SHANK2: variants seen among roughly 807,000 people sequenced by gnomAD.
SHANK2 encodes the protein SH3 and multiple ankyrin repeat domains 2.
In SHANK2, 43 loss-of-function variants were observed where a neutral mutation model predicts 133.7. That is an observed-to-expected ratio of 0.32 (90% CI 0.25 to 0.41). SHANK2 has a LOEUF of 0.41. SHANK2 is among the 10% of genes least tolerant of loss of function. SHANK2 has a pLI of 1.00. For synonymous variants in SHANK2, 1,017 were observed against 952.8 expected (o/e 1.07, Z -1.24); for missense variants, 1,994 against 2,235.8 (o/e 0.89, Z 2.18).
intron 14 of SHANK2, among the ~76,000 whole-genome samples, chr11:70,751,594 G>A (rs1591812965): frequency 6.6e-6 from 1 of 152,146 alleles, no homozygotes; most frequent in African/African-American, 2.4e-5. Flanking sequence ...AGACAAAATG[G>A]TCAATATCTT....
At chr11:70,819,843 C>T (rs184540652) in intron 12 of SHANK2, among the ~76,000 whole-genome samples, 15 of 152,278 alleles carry the variant, frequency 9.9e-5, no homozygotes, top group Admixed American at 2.6e-4. Context: ...GACAGCCAGA[C>T]GCCAGAGCCC....
At chr11:70,874,848 G>A (rs985654162) in intron 11 of SHANK2, among the ~76,000 whole-genome samples, 8 of 152,066 alleles carry the variant, frequency 5.3e-5, no homozygotes, top group South Asian at 2.1e-4. Context: ...CAAATCTACC[G>A]TGTAATAGCA....
chr11:70,659,849 C>T lies in SHANK2; in HGVS notation c.2040G>A (p.Arg680=). Residue 680 remains arginine (R), a synonymous_variant, in exon 17 of 26, where the codon AGG becomes AGA. Transcript: ENST00000601538. ...CTACCTCAATCAAGAAGTCCCCGGT[C>T]CTTAGTCCGGCTTGCCACGCCACCC... ...EGGVAWQAGL[R]TGDFLIEVNN... The T allele has an allele frequency of 6.2e-7, 1 of 1,614,144 alleles. No individual in the cohort carries two copies. Among genetic ancestry groups the T allele is most frequent in the South Asian group, 1.1e-5 (1 of 91,078 alleles).
chr11:71,129,806 CT>C (rs1952264056), intron 3 of SHANK2, among the ~76,000 whole-genome samples: 1 of 152,216 alleles, frequency 6.6e-6, no homozygotes, highest in Admixed American at 6.5e-5. Flanking sequence ...TGTGTTTGGC[CT>C]GAGTCTGCCA....
intron 3 of SHANK2, among the ~76,000 whole-genome samples, chr11:71,145,816 C>T (rs1370481478): frequency 2.0e-5 from 3 of 151,908 alleles, no homozygotes; most frequent in Non-Finnish European, 2.9e-5. Context: ...TCATAGAGGT[C>T]GGGGTGGATG....
At position 71,147,136 on chromosome 11, in the gene SHANK2, T is replaced by G. The variant is rs200995537; in HGVS notation, c.191A>C (p.His64Pro). ...GGGGCTCACCGTCTGCTGCAGGTCA[T>G]GGATGACCACGCGGATCACCAGCGT... ...GNTLVIRVVI[H>P]DLQQTKCIRF... The change falls in exon 3 of 26, where the codon CAT becomes CCT. Residue 64 changes from histidine to proline, a missense_variant. By Grantham distance (77) the His-to-Pro change is moderately conservative. Transcript: ENST00000601538. 6.5e-7 allele frequency: 1 copy of G among 1,549,012 alleles called. No homozygotes were observed. The highest frequency in any genetic ancestry group is 1.2e-5 in the South Asian group (1 of 83,990).
At chr11:70,867,475 C>A (rs552843993) in intron 11 of SHANK2, among the ~76,000 whole-genome samples, 5 of 152,118 alleles carry the variant, frequency 3.3e-5, no homozygotes, top group Non-Finnish European at 7.4e-5. Context: ...GTACGGCATG[C>A]GCATGAGGGC....
chr11:71,152,362 C>A (rs1421811477), intron 2 of SHANK2, among the ~76,000 whole-genome samples: 6 of 152,214 alleles, frequency 3.9e-5, no homozygotes, highest in Non-Finnish European at 5.9e-5. Flanking sequence ...GATCCACCTG[C>A]CTCCACCTCC....
chr11:71,119,012 C>T lies in SHANK2; in HGVS notation c.228G>A (p.Pro76=), dbSNP rs782699981. The part of the protein sequence containing the change: ...LQQTKCIRFN[P]DATVWVAKQR... The stretch of plus-strand genomic sequence containing the variant: ...GCTTTGCAACCCACACTGTGGCATC[C>T]GGGTTAAATCGAATGCATTTCTGCC... The change falls in exon 4 of 26, where the codon CCG becomes CCA. Residue 76 remains proline, a synonymous_variant. Coordinates refer to ENST00000601538, the MANE Select transcript of SHANK2 (RefSeq NM_012309.5). The T allele has an allele frequency of 5.0e-5, 78 of 1,551,664 alleles. No homozygotes were observed. The South Asian group carries it at 5.2e-4, about 10-fold the overall frequency.
At chr11:70,832,564 A>G (rs1555058872) in intron 11 of SHANK2, among the ~76,000 whole-genome samples, 1 of 152,220 alleles carries the variant, frequency 6.6e-6, no homozygotes, top group African/African-American at 2.4e-5. Flanking sequence ...GAGATGAATG[A>G]ATGAATGAAT....
intron 23 of SHANK2, 84 bp downstream of exon 23, chr11:70,490,192 C>T: frequency 8.3e-7 from 1 of 1,203,612 alleles, no homozygotes; most frequent in South Asian, 1.2e-5. Flanking sequence ...TGTGAGAGGC[C>T]CAGGGCTCAG....
intron 17 of SHANK2, among the ~76,000 whole-genome samples, chr11:70,521,609 G>A (rs1213992883): frequency 6.6e-6 from 1 of 152,186 alleles, no homozygotes; most frequent in African/African-American, 2.4e-5. Context: ...TTAAAAAGGA[G>A]AAATGAGCAG....
intron 2 of SHANK2, among the ~76,000 whole-genome samples, chr11:71,152,803 G>T (rs1399093228): frequency 6.6e-6 from 1 of 152,174 alleles, no homozygotes; most frequent in Admixed American, 6.5e-5. Context: ...GACTGGGAGG[G>T]TCTTGACCTT....
At chr11:70,759,286 G>A (rs1946939521) in intron 14 of SHANK2, among the ~76,000 whole-genome samples, 1 of 151,896 alleles carries the variant, frequency 6.6e-6, no homozygotes, top group Admixed American at 6.6e-5. Flanking sequence ...TTGAGGTCAG[G>A]AGTTGAAGAG....
intron 8 of SHANK2, among the ~76,000 whole-genome samples, chr11:71,079,847 A>AGGGGAGGGGAAGGG (rs1951270656): frequency 2.1e-4 from 17 of 81,558 alleles, no homozygotes; most frequent in African/African-American, 7.9e-4. Context: ...GAGGGGAAGG[A>AGGGGAGGGGAAGGG]AGGGGAGGGG....
At chr11:71,131,846 A>T (rs1952313085) in intron 3 of SHANK2, among the ~76,000 whole-genome samples, 1 of 152,206 alleles carries the variant, frequency 6.6e-6, no homozygotes, top group South Asian at 2.1e-4. Flanking sequence ...TAAACACATC[A>T]TCTCTTCCTT....
rs374796988 is a variant in SHANK2, at chr11:71,112,555, G to A, written c.483+738C>T. 2.6e-5 allele frequency among the ~76,000 whole-genome samples: 4 copies of A among 152,164 alleles called. No homozygotes were observed. The East Asian group carries it at 7.7e-4, about 29-fold the overall frequency. On this transcript the variant is annotated intron_variant, in intron 5 of 25. Transcript: ENST00000601538. ...GGGCCCTCAAAGGGAAGCGCTTCAG[G>A]CAGCTGCCCGGACTCTCCACCCCAT...
chr11:70,730,115 T>G (rs116808707), intron 14 of SHANK2, among the ~76,000 whole-genome samples: 1 of 152,110 alleles, frequency 6.6e-6, no homozygotes, highest in African/African-American at 2.4e-5. Flanking sequence ...GAGGAGGAAG[T>G]GGGACCTGTG....
intron 10 of SHANK2, among the ~76,000 whole-genome samples, chr11:70,938,717 TGAGGAG>T (rs1161489598): frequency 6.6e-6 from 1 of 151,676 alleles, no homozygotes; most frequent in East Asian, 1.9e-4. Flanking sequence ...GCCCAGGAGC[TGAGGAG>T]GAGGAGGAGA....
Sources: gnomAD v4.1 joint callset for allele counts (sites outside exome capture counted in the v4.1 genomes callset) on GRCh38, gnomAD v4.1.1 for gene constraint, MANE v1.5 for transcripts, NCBI Gene and HGNC (gene_info 2026-07-23, HGNC 2026-07-21) for gene names.